CSNK1A1: variants seen among roughly 807,000 people sequenced by gnomAD.
CSNK1A1 encodes the protein casein kinase 1 alpha 1, also known as casein kinase I isoform alpha.
A neutral mutation model predicts 46.1 loss-of-function variants in CSNK1A1; 7 were observed. That is an observed-to-expected ratio of 0.15 (90% CI 0.09 to 0.29). The LOEUF (loss-of-function observed/expected upper bound fraction) is 0.29. CSNK1A1 is among the 10% of genes least tolerant of loss of function. CSNK1A1 has a pLI of 1.00. For synonymous variants in CSNK1A1, 137 were observed against 141.5 expected, an observed-to-expected ratio of 0.97 and a Z score of 0.23; for missense variants, 96 against 417.1, an observed-to-expected ratio of 0.23 and a Z score of 6.71.
Position 149,517,679 on chromosome 5 carries a change from A to G in CSNK1A1, c.456+2611T>C. 3.0e-6 allele frequency: 2 copies of G among 667,080 alleles called. No individual in the cohort carries two copies. Among genetic ancestry groups the G allele is most frequent in the East Asian group, 2.8e-5 (1 of 36,110 alleles). 41.3% of individuals were successfully genotyped at this position (667,080 alleles called of 1,614,324 possible). A position where few individuals can be genotyped will look rare whatever the true frequency, so the allele number is the denominator to read the frequency against. Reference sequence around the variant, plus strand: ...ATAATGCCAACGTAAGAGGTGCTTGAGCAAGATCTACATTCTCCAGAATTA... The same window carrying G: ...ATAATGCCAACGTAAGAGGTGCTTGGGCAAGATCTACATTCTCCAGAATTA... On this transcript the variant is annotated intron_variant, in intron 4 of 9. Transcript: ENST00000377843. This position sits in a 1 kb window ranked among gnomAD's most constrained non-coding sequence, Gnocchi z 4.4.
At chr5:149,511,902 G>A in intron 5 of CSNK1A1, 30 bp from the exon 6 acceptor site, 1 of 1,505,794 alleles carries the variant, frequency 6.6e-7, no homozygotes, top group Non-Finnish European at 9.1e-7. Flanking sequence ...TTTATAAACT[G>A]GAACTATTAT....
intron 6 of CSNK1A1, among the ~76,000 whole-genome samples, chr5:149,510,201 G>A (rs1471755501): frequency 1.3e-5 from 2 of 152,102 alleles, no homozygotes; most frequent in Non-Finnish European, 2.9e-5. Context: ...AGGAATATAT[G>A]GATATTAGAT....
chr5:149,532,673 A>C (rs978619751), intron 2 of CSNK1A1, among the ~76,000 whole-genome samples: 6 of 152,164 alleles, frequency 3.9e-5, no homozygotes, highest in Admixed American at 3.9e-4. Flanking sequence ...TGGCGGTAAG[A>C]GCAAAACTCC....
intron 2 of CSNK1A1, among the ~76,000 whole-genome samples, chr5:149,534,319 T>C (rs923742302): frequency 4.2e-4 from 63 of 151,686 alleles, no homozygotes; most frequent in Non-Finnish European, 6.3e-4. Flanking sequence ...CCGTCTCTAC[T>C]AAAAACACAA....
At chr5:149,527,113 G>A (rs992363180) in intron 2 of CSNK1A1, among the ~76,000 whole-genome samples, 7 of 149,970 alleles carry the variant, frequency 4.7e-5, no homozygotes, top group Admixed American at 1.4e-4. Context: ...ATGTGTCAAC[G>A]TGACAGCAAA....
intron 3 of CSNK1A1, among the ~76,000 whole-genome samples, chr5:149,522,705 C>T (rs1430351901): frequency 6.6e-6 from 1 of 152,192 alleles, no homozygotes; most frequent in Non-Finnish European, 1.5e-5. Context: ...ACTTAGGTGT[C>T]AACTACCTTA....
At chr5:149,497,407 C>G (rs1212626207) in intron 9 of CSNK1A1, 1 of 985,614 alleles carries the variant, frequency 1.0e-6, no homozygotes, top group East Asian at 1.1e-4. Flanking sequence ...CTTTACCGGC[C>G]GCATTAGAAA....
chr5:149,546,982 T>C (rs1406093176), intron 2 of CSNK1A1, among the ~76,000 whole-genome samples: 1 of 152,154 alleles, frequency 6.6e-6, no homozygotes, highest in Admixed American at 6.6e-5. Flanking sequence ...TTTTTTTACA[T>C]TTCACTTTAA....
chr5:149,515,158 A>G (rs1482197308), intron 4 of CSNK1A1, among the ~76,000 whole-genome samples: 2 of 152,242 alleles, frequency 1.3e-5, no homozygotes, highest in Non-Finnish European at 2.9e-5. Context: ...AAATATCTCT[A>G]AGAAATATGT....
At position 149,550,418 on chromosome 5, in the gene CSNK1A1, A is replaced by G. The variant is rs1762620770; in HGVS notation, c.124-237T>C. On this transcript the variant is annotated intron_variant, in intron 1 of 9. Coordinates refer to ENST00000377843, the MANE Select transcript of CSNK1A1 (RefSeq NM_001892.6). This position sits in a 1 kb window ranked among gnomAD's most constrained non-coding sequence, Gnocchi z 4.3. ...GCAGGAAAATGATTCATCCAGAAAA[A>G]AGAGGCAACCTCTGAACGTAGTGAG... is the stretch of plus-strand genomic sequence containing the variant. 1 of 1,254,510 alleles carries G rather than the reference A, an allele frequency of 8.0e-7. No homozygotes were observed. Among genetic ancestry groups the G allele is most frequent in the Non-Finnish European group, 1.0e-6 (1 of 976,118 alleles). The allele number at this position is 1,254,510 out of a possible 1,614,324, so 77.7% of individuals were successfully genotyped here.
At chr5:149,544,272 C>T (rs1305533889) in intron 2 of CSNK1A1, among the ~76,000 whole-genome samples, 1 of 152,164 alleles carries the variant, frequency 6.6e-6, no homozygotes, top group Non-Finnish European at 1.5e-5. Context: ...CATTAAGGAA[C>T]TGACTGACTG....
intron 9 of CSNK1A1, chr5:149,505,095 T>C (rs1760980831): frequency 1.0e-6 from 1 of 1,001,362 alleles, no homozygotes; most frequent in African/African-American, 1.7e-5. Flanking sequence ...AGGTCTAGGA[T>C]TTTGGATTGA....
At chr5:149,530,408 A>G (rs1368225846) in intron 2 of CSNK1A1, among the ~76,000 whole-genome samples, 1 of 152,196 alleles carries the variant, frequency 6.6e-6, no homozygotes, top group South Asian at 2.1e-4. Context: ...TCGTTTGCCA[A>G]TCTTTCGGTT....
Position 149,517,239 on chromosome 5 carries a change from C to T in CSNK1A1, c.456+3051G>A, listed in dbSNP as rs928420831. Among the ~76,000 whole-genome samples, 2 of 152,076 alleles carry T rather than the reference C, an allele frequency of 1.3e-5. No homozygotes were observed. The highest frequency in any genetic ancestry group is 4.8e-5 in the African/African-American group (2 of 41,400). ...ATGCAGTATCTTCTAGTTCCAGAGC[C>T]TATAATGCTCTGTAAATATCCATTT... On this transcript the variant is annotated intron_variant, in intron 4 of 9. Transcript: ENST00000377843. The surrounding 1 kb of genome is among the most constrained non-coding windows in gnomAD (Gnocchi z 4.4).
At chr5:149,502,071 T>C (rs1395874343) in intron 9 of CSNK1A1, 1 of 984,074 alleles carries the variant, frequency 1.0e-6, no homozygotes, top group Admixed American at 6.1e-5. Context: ...AGTCTGCCTA[T>C]TATTTAATAG....
chr5:149,525,157 T>A lies in CSNK1A1; in HGVS notation c.245A>T (p.Glu82Val). The A allele has an allele frequency of 6.2e-7, 1 of 1,607,876 alleles. No individual in the cohort carries two copies. The highest frequency in any genetic ancestry group is 8.5e-7 in the Non-Finnish European group (1 of 1,177,884). ...CATGACTAGTACATTGTAGTCTTTT[T>A]CCTGACCATACCACCTAACGAAACA... The part of the protein sequence containing the change: ...GIPHIRWYGQ[E>V]KDYNVLVMDL... The change falls in exon 3 of 10, where the codon GAA (glutamate) becomes GTA (valine). Residue 82 changes from glutamate (E) to valine (V), a missense_variant. Coordinates refer to ENST00000377843, the MANE Select transcript of CSNK1A1 (RefSeq NM_001892.6). This position sits in a 1 kb window ranked among gnomAD's most constrained non-coding sequence, Gnocchi z 4.2.
At chr5:149,515,887 A>G (rs2113101267) in intron 4 of CSNK1A1, among the ~76,000 whole-genome samples, 1 of 152,368 alleles carries the variant, frequency 6.6e-6, no homozygotes, top group African/African-American at 2.4e-5. Flanking sequence ...TTTTATGTGC[A>G]AAGACACAGG....
chr5:149,506,451 G>A (rs1342903900), intron 8 of CSNK1A1, among the ~76,000 whole-genome samples: 1 of 151,838 alleles, frequency 6.6e-6, no homozygotes, highest in African/African-American at 2.4e-5. Flanking sequence ...CGGGCAGGCT[G>A]GTCTCTAACT....
chr5:149,515,360 ACAAC>A (rs2113099658), intron 4 of CSNK1A1, among the ~76,000 whole-genome samples: 1 of 152,318 alleles, frequency 6.6e-6, no homozygotes, highest in Non-Finnish European at 1.5e-5. Flanking sequence ...ACACTTTCTC[ACAAC>A]CAAAAGACTG....
Sources: gnomAD v4.1 joint callset for allele counts (sites outside exome capture counted in the v4.1 genomes callset) on GRCh38, gnomAD v4.1.1 for gene constraint, Gnocchi (gnomAD v3.1) non-coding constraint, MANE v1.5 for transcripts, NCBI Gene and HGNC (gene_info 2026-07-23, HGNC 2026-07-21) for gene names.